Variants in LEMD1 observed in about 807,000 individuals in gnomAD.
LEMD1 encodes the protein LEM domain containing 1.
In LEMD1, 18 loss-of-function variants were observed where a neutral mutation model predicts 17.4. The observed-to-expected ratio is 1.04, with a 90% CI of 0.72 to 1.54. LEMD1 has a LOEUF of 1.54. Ranked by LOEUF, LEMD1 falls within the 40% of genes most tolerant of loss-of-function variation. The pLI is 0.00. For synonymous variants in LEMD1, 88 were observed against 77.8 expected, an observed-to-expected ratio of 1.13 and a Z score of -0.69; for missense variants, 195 against 210.4, an observed-to-expected ratio of 0.93 and a Z score of 0.45.
intron 4 of LEMD1, among the ~76,000 whole-genome samples, chr1:205,415,352 T>G (rs577439667): frequency 1.7e-3 from 251 of 152,054 alleles, no homozygotes; most frequent in African/African-American, 5.8e-3. Context: ...GAAGCGTGTG[T>G]GGGGACGCCG....
intron 4 of LEMD1, among the ~76,000 whole-genome samples, chr1:205,394,372 TTAA>T (rs1350001569): frequency 9.0e-5 from 3 of 33,396 alleles, no homozygotes; most frequent in African/African-American, 3.3e-4. Flanking sequence ...GTTTATTTAA[TTAA>T]TTAATTAATT....
At chr1:205,398,138 T>C (rs1002734450) in intron 4 of LEMD1, among the ~76,000 whole-genome samples, 2 of 152,218 alleles carry the variant, frequency 1.3e-5, no homozygotes, top group African/African-American at 4.8e-5. Context: ...GCAGCTCCCT[T>C]AGCACACGTC....
chr1:205,408,574 C>T (rs1456477211), intron 4 of LEMD1, among the ~76,000 whole-genome samples: 1 of 149,652 alleles, frequency 6.7e-6, no homozygotes, highest in African/African-American at 2.5e-5. Flanking sequence ...CATCACGGCT[C>T]ACTGCAGCCT....
At chr1:205,420,233 G>A (rs1239554651) in intron 2 of LEMD1, among the ~76,000 whole-genome samples, 4 of 152,124 alleles carry the variant, frequency 2.6e-5, no homozygotes, top group African/African-American at 7.2e-5. Context: ...CAGGAGAATC[G>A]CTTGAATCTG....
Position 205,381,848 on chromosome 1 carries a change from G to C in LEMD1, c.356C>G (p.Ala119Gly). The change falls in exon 6 of 6, where the codon GCA (alanine) becomes GGA (glycine). Residue 119 changes from alanine (A) to glycine (G), a missense_variant. Physicochemically the swap from Ala to Gly is moderately conservative, Grantham distance 60. Coordinates refer to ENST00000367153, the MANE Select transcript of LEMD1 (RefSeq NM_001199050.2). ...YKPSKGRRWA[A>G]RAPSTRITYG... ...TGTGATTCTGGTGCTTGGTGCTCTT[G>C]CAGCCCACCTGTGAAAACATCAGTG... is the stretch of plus-strand genomic sequence containing the variant. 1 of 1,614,112 alleles carries C rather than the reference G, an allele frequency of 6.2e-7. No homozygotes were observed. The highest frequency in any genetic ancestry group is 8.5e-7 in the Non-Finnish European group (1 of 1,180,036).
chr1:205,406,115 T>TG (rs1201625111), intron 4 of LEMD1, among the ~76,000 whole-genome samples: 1 of 152,192 alleles, frequency 6.6e-6, no homozygotes, highest in African/African-American at 2.4e-5. Context: ...CTGCCCCTAC[T>TG]GGGGGGTGCC....
In LEMD1 at chr1:205,420,488, C is replaced by G. The variant is rs772576501; in HGVS notation, c.49G>C (p.Glu17Gln). The part of the protein sequence containing the change: ...LSDCKLQNQL[E>Q]KLGFSPGPIL... ...GGGCCAGGTGAAAATCCAAGCTTCT[C>G]AAGTTGGTTCTGCAATTTACAGTCA... The change falls in exon 2 of 6, where the codon GAG (glutamate) becomes CAG (glutamine). Residue 17 changes from glutamate to glutamine, a missense_variant. Physicochemically the swap from Glu to Gln is conservative, Grantham distance 29. Coordinates refer to ENST00000367153, the MANE Select transcript of LEMD1 (RefSeq NM_001199050.2). 8.1e-6 allele frequency: 13 copies of G among 1,613,956 alleles called. No homozygotes were observed. The Admixed American group carries it at 1.5e-4, about 19-fold the overall frequency.
intron 1 of LEMD1, among the ~76,000 whole-genome samples, chr1:205,433,833 C>G (rs999338262): frequency 1.3e-5 from 2 of 151,752 alleles, no homozygotes; most frequent in African/African-American, 4.9e-5. Flanking sequence ...CCGCTCTAAA[C>G]AACAGCTGCC....
chr1:205,431,740 CTG>C (rs1666127864), intron 1 of LEMD1, among the ~76,000 whole-genome samples: 1 of 151,850 alleles, frequency 6.6e-6, no homozygotes, highest in Non-Finnish European at 1.5e-5. Context: ...TTTTTTGAGA[CTG>C]AGTCTTGCTC....
rs1007595194 is a variant in LEMD1 at position 205,448,398 on chromosome 1, G to A, written c.-39+1470C>T. ...GAAAAGCCATAGGCCACAGCAGAGTGGAGGGGTCCAGCGGCAGGAATCTCA... is the reference window on the plus strand; with the variant it reads ...GAAAAGCCATAGGCCACAGCAGAGTAGAGGGGTCCAGCGGCAGGAATCTCA... On this transcript the variant is annotated intron_variant, in intron 1 of 3. Transcript: ENST00000367154. This position sits in a 1 kb window ranked among gnomAD's most constrained non-coding sequence, Gnocchi z 4.7. 2 of 534,340 alleles carry A rather than the reference G, an allele frequency of 3.7e-6. No homozygotes were observed. Among genetic ancestry groups the A allele is most frequent in the Non-Finnish European group, 3.8e-6 (1 of 259,958 alleles). The allele number at this position is 534,340 out of a possible 1,614,324, so 33.1% of individuals were successfully genotyped here.
upstream of LEMD1, among the ~76,000 whole-genome samples, chr1:205,423,524 G>T (rs1666014337): frequency 6.6e-6 from 1 of 152,208 alleles, no homozygotes; most frequent in Non-Finnish European, 1.5e-5. Flanking sequence ...AATCTCTGGG[G>T]TTTAAAACAA....
At chr1:205,403,655 C>T (rs1214784722) in intron 4 of LEMD1, among the ~76,000 whole-genome samples, 1 of 152,070 alleles carries the variant, frequency 6.6e-6, no homozygotes, top group African/African-American at 2.4e-5. Context: ...AGAACCAGCT[C>T]CTGGATTCAT....
At chr1:205,395,131 C>CA (rs1038920185) in intron 4 of LEMD1, among the ~76,000 whole-genome samples, 4 of 151,464 alleles carry the variant, frequency 2.6e-5, no homozygotes, top group Non-Finnish European at 2.9e-5. Flanking sequence ...GGGCAGAGGT[C>CA]AAAAAAACAT....
intron 4 of LEMD1, among the ~76,000 whole-genome samples, chr1:205,411,293 C>T (rs1028968401): frequency 3.3e-5 from 5 of 149,612 alleles, no homozygotes; most frequent in Admixed American, 1.3e-4. Context: ...GAGGGCCAGG[C>T]GCAGTGGCTC....
intron 3 of LEMD1, 71 bp downstream of exon 3, chr1:205,419,159 G>T: frequency 1.9e-6 from 3 of 1,558,666 alleles, no homozygotes; most frequent in Non-Finnish European, 2.6e-6. Flanking sequence ...ATTTAAAGCT[G>T]CATAAATCAT....
At chr1:205,391,434 C>T (rs1016299906) in intron 4 of LEMD1, among the ~76,000 whole-genome samples, 11 of 151,450 alleles carry the variant, frequency 7.3e-5, no homozygotes, top group African/African-American at 2.7e-4. Flanking sequence ...CCAAGGGATG[C>T]AGGTGAAAAA....
chr1:205,420,096 G>A (rs1284965914), intron 2 of LEMD1, among the ~76,000 whole-genome samples: 1 of 152,120 alleles, frequency 6.6e-6, no homozygotes, highest in Non-Finnish European at 1.5e-5. Context: ...GGCAGGTGGA[G>A]TACCTGAGGT....
At chr1:205,433,432 G>A (rs1459051309) in intron 1 of LEMD1, among the ~76,000 whole-genome samples, 5 of 152,282 alleles carry the variant, frequency 3.3e-5, no homozygotes, top group Non-Finnish European at 7.3e-5. Flanking sequence ...ACTCCAGCCT[G>A]GGCAACAGAG....
upstream of LEMD1, among the ~76,000 whole-genome samples, chr1:205,425,454 T>C (rs192691695): frequency 3.3e-5 from 5 of 152,250 alleles, no homozygotes; most frequent in African/African-American, 7.2e-5. Context: ...CACATTAAAA[T>C]TCACCACGGA....
Sources: allele counts gnomAD v4.1 joint callset (sites outside exome capture counted in the v4.1 genomes callset), GRCh38; gene constraint gnomAD v4.1.1; non-coding constraint Gnocchi (gnomAD v3.1); transcripts MANE v1.5; gene names NCBI Gene and HGNC (gene_info 2026-07-23, HGNC 2026-07-21).